Variants in HECW1 observed in about 807,000 individuals in gnomAD.
The protein encoded by HECW1 is E3 ubiquitin-protein ligase HECW1.
In HECW1, 61 loss-of-function variants were observed where a neutral mutation model predicts 182.3. That is an observed-to-expected ratio of 0.33 (90% CI 0.27 to 0.41). The LOEUF (loss-of-function observed/expected upper bound fraction) is 0.41, where lower values mean the gene tolerates loss of function less well. Ranked by LOEUF, HECW1 falls within the 10% of genes least tolerant of loss-of-function variation. The pLI is 1.00. For synonymous variants in HECW1, 859 were observed against 832.6 expected (o/e 1.03, Z -0.55); for missense variants, 1,739 against 2,108.9 (o/e 0.82, Z 3.44).
intron 6 of HECW1, among the ~76,000 whole-genome samples, chr7:43,382,790 T>A (rs1346433768): frequency 6.6e-6 from 1 of 152,184 alleles, no homozygotes; most frequent in African/African-American, 2.4e-5. Flanking sequence ...TTACTTTAAG[T>A]TCTGGGATAC....
At chr7:43,256,019 G>A (rs897070858) in intron 3 of HECW1, among the ~76,000 whole-genome samples, 9 of 152,148 alleles carry the variant, frequency 5.9e-5, no homozygotes, top group African/African-American at 1.9e-4. Flanking sequence ...ACAAGCTAAA[G>A]TTTGTCATGG....
rs116445171 is a variant in HECW1 at position 43,123,161 on chromosome 7, C to T, written c.-32+8770C>T. Among the ~76,000 whole-genome samples the T allele has an allele frequency of 1.5e-3, 227 of 152,284 alleles. No homozygotes were observed. In the Middle Eastern group the frequency reaches 0.017, roughly 11 times the overall value. ...CATGGAGCATCTATTTTGTACCAGA[C>T]GCTGGGCTGGGGGCCATTACCACGA... On this transcript the variant is annotated intron_variant, in intron 2 of 29. Coordinates refer to ENST00000395891, the MANE Select transcript of HECW1 (RefSeq NM_015052.5).
intron 16 of HECW1, among the ~76,000 whole-genome samples, chr7:43,476,913 A>C (rs2078237353): frequency 6.6e-6 from 1 of 152,182 alleles, no homozygotes; most frequent in Non-Finnish European, 1.5e-5. Context: ...TTAAAAATTC[A>C]GTGTATTAGA....
intron 2 of HECW1, among the ~76,000 whole-genome samples, chr7:43,184,504 T>C (rs967577594): frequency 6.6e-6 from 1 of 152,002 alleles, no homozygotes; most frequent in African/African-American, 2.4e-5. Context: ...ATAATAAGAG[T>C]GCTTTTTGTA....
At chr7:43,166,581 A>C (rs1791144532) in intron 2 of HECW1, among the ~76,000 whole-genome samples, 1 of 152,194 alleles carries the variant, frequency 6.6e-6, no homozygotes, top group Non-Finnish European at 1.5e-5. Context: ...TACAAGTAAA[A>C]GCTTTTCTTT....
At chr7:43,541,828 CA>C in intron 25 of HECW1, 40 bp from the exon 26 acceptor site, 1 of 1,409,628 alleles carries the variant, frequency 7.1e-7, no homozygotes, top group East Asian at 2.6e-5. Context: ...TCTGGGCAGC[CA>C]TTTGTTTGGT....
chr7:43,396,648 C>T (rs1263852028), intron 6 of HECW1, 166 bp from the exon 7 acceptor site: 2 of 562,782 alleles, frequency 3.6e-6, no homozygotes, highest in East Asian at 6.0e-5. Context: ...CTGGGAAAAA[C>T]ATTAGGTTGC....
intron 5 of HECW1, among the ~76,000 whole-genome samples, chr7:43,340,803 T>G (rs1051753941): frequency 6.6e-6 from 1 of 151,668 alleles, no homozygotes; most frequent in African/African-American, 2.4e-5. Flanking sequence ...CTGATCCCAT[T>G]ACTGGGTATA....
At chr7:43,455,004 G>C (rs2077353131) in intron 12 of HECW1, among the ~76,000 whole-genome samples, 1 of 152,182 alleles carries the variant, frequency 6.6e-6, no homozygotes, top group Non-Finnish European at 1.5e-5. Flanking sequence ...AGCAGGCATT[G>C]CTCTTCTATG....
At chr7:43,175,798 G>A (rs867970392) in intron 2 of HECW1, among the ~76,000 whole-genome samples, 1 of 152,174 alleles carries the variant, frequency 6.6e-6, no homozygotes, top group African/African-American at 2.4e-5. Flanking sequence ...GATAAATGCA[G>A]CCTTCATGAC....
chr7:43,278,681 C>T (rs927371399), intron 3 of HECW1, among the ~76,000 whole-genome samples: 1 of 152,114 alleles, frequency 6.6e-6, no homozygotes, highest in Admixed American at 6.5e-5. Flanking sequence ...CCCAGGTGCA[C>T]CTGCTTAAGG....
chr7:43,328,302 T>TAAAAACA lies in HECW1; in HGVS notation c.460+7580_460+7586dup, dbSNP rs548653541. 5.9e-5 allele frequency among the ~76,000 whole-genome samples: 7 copies of TAAAAACA among 119,228 alleles called. No homozygotes were observed. The East Asian group carries it at 8.1e-4, about 14-fold the overall frequency. The allele number at this position is 119,228 out of a possible 152,430, so 78.2% of individuals were successfully genotyped here. ...TATGGAGCAAGACCTTGTCTCAAAT[T>TAAAAACA]AAAAACAAAAAACAAAAAACAAAAA... On this transcript the variant is annotated intron_variant, in intron 5 of 29. Coordinates refer to ENST00000395891, the MANE Select transcript of HECW1 (RefSeq NM_015052.5).
At chr7:43,265,616 G>A (rs1801689864) in intron 3 of HECW1, among the ~76,000 whole-genome samples, 1 of 152,014 alleles carries the variant, frequency 6.6e-6, no homozygotes, top group African/African-American at 2.4e-5. Flanking sequence ...CCAAACATCT[G>A]GTCTTCCACA....
chr7:43,405,498 T>C (rs1399914801), intron 7 of HECW1, among the ~76,000 whole-genome samples: 1 of 151,996 alleles, frequency 6.6e-6, no homozygotes, highest in East Asian at 1.9e-4. Flanking sequence ...CATGCTTCAT[T>C]CCCCCAGCGT....
At chr7:43,483,369 A>T (rs2078504532) in intron 17 of HECW1, among the ~76,000 whole-genome samples, 1 of 151,858 alleles carries the variant, frequency 6.6e-6, no homozygotes, top group Non-Finnish European at 1.5e-5. Context: ...TCCCCAAGTC[A>T]TTATGACAAA....
intron 6 of HECW1, among the ~76,000 whole-genome samples, chr7:43,385,074 T>C (rs185264203): frequency 5.9e-5 from 9 of 151,942 alleles, no homozygotes; most frequent in African/African-American, 2.2e-4. Context: ...TCATAATTTG[T>C]AAGAAAAAGA....
intron 6 of HECW1, among the ~76,000 whole-genome samples, chr7:43,361,309 T>C (rs1019100965): frequency 6.6e-6 from 1 of 152,228 alleles, no homozygotes; most frequent in African/African-American, 2.4e-5. Context: ...GCCTTTTCTT[T>C]GGATCACATT....
chr7:43,258,185 CA>C (rs1418757706), intron 3 of HECW1, among the ~76,000 whole-genome samples: 4 of 151,346 alleles, frequency 2.6e-5, no homozygotes, highest in African/African-American at 7.3e-5. Context: ...ACTAAAAATA[CA>C]AAAAAATTAG....
chr7:43,220,570 A>G (rs964432562), intron 2 of HECW1, among the ~76,000 whole-genome samples: 1 of 152,156 alleles, frequency 6.6e-6, no homozygotes, highest in African/African-American at 2.4e-5. Flanking sequence ...AGCATAAACT[A>G]TTAGAGCCTG....
Sources: gnomAD v4.1 joint callset for allele counts (sites outside exome capture counted in the v4.1 genomes callset) on GRCh38, gnomAD v4.1.1 for gene constraint, MANE v1.5 for transcripts, NCBI Gene and HGNC (gene_info 2026-07-23, HGNC 2026-07-21) for gene names.